ARHGAP25: variants seen among roughly 807,000 people sequenced by gnomAD.
ARHGAP25 encodes the protein rho GTPase-activating protein 25.
In ARHGAP25, 34 loss-of-function variants were observed where a neutral mutation model predicts 71.0. The observed-to-expected ratio is 0.48, with a 90% confidence interval of 0.36 to 0.64. The LOEUF is 0.64. Ranked by LOEUF, ARHGAP25 falls within the 30% of genes least tolerant of loss-of-function variation. The pLI is 0.00. For missense variants in ARHGAP25, 706 were observed against 805.1 expected (o/e 0.88, Z 1.49); for synonymous variants, 282 against 296.5 (o/e 0.95, Z 0.50).
chr2:68,781,034 AG>A lies in ARHGAP25; in HGVS notation c.262-1198del, dbSNP rs1327505303. Among the ~76,000 whole-genome samples, 4 of 152,296 alleles carry A rather than the reference AG, an allele frequency of 2.6e-5. No homozygotes were observed. In the East Asian group the frequency reaches 7.7e-4, roughly 29 times the overall value. ...AAAGTGTCAGTTTCCTCATCTGCAA[AG>A]TGGCAGTGATAAATCTTGCTATGCT... On this transcript the variant is annotated intron_variant, in intron 2 of 10. Coordinates refer to ENST00000409202, the MANE Select transcript of ARHGAP25 (RefSeq NM_001007231.3).
intron 1 of ARHGAP25, among the ~76,000 whole-genome samples, chr2:68,773,806 A>G (rs896133112): frequency 2.6e-5 from 4 of 152,228 alleles, no homozygotes; most frequent in Admixed American, 1.3e-4. Context: ...TAGGAAGTAA[A>G]GTCACCTGTT....
rs1164092391 is a variant in ARHGAP25 at position 68,787,822 on chromosome 2, T to C, written c.350-18T>C. On this transcript the variant is annotated intron_variant, in intron 3 of 10. Coordinates refer to ENST00000409202, the MANE Select transcript of ARHGAP25 (RefSeq NM_001007231.3). The stretch of plus-strand genomic sequence containing the variant: ...CTTATCACTCTAAGACCTTCACAAG[T>C]GCTAATTCTTCCTCCAGCCTCATGG... 3 of 1,601,924 alleles carry C rather than the reference T, an allele frequency of 1.9e-6. No homozygotes were observed. Among genetic ancestry groups the C allele is most frequent in the Non-Finnish European group, 1.7e-6 (2 of 1,168,838 alleles).
intron 1 of ARHGAP25, among the ~76,000 whole-genome samples, chr2:68,750,116 C>T (rs191687037): frequency 1.9e-3 from 285 of 152,218 alleles, no homozygotes; most frequent in Non-Finnish European, 2.5e-3. Flanking sequence ...AAACAATCCT[C>T]CCACCCCAGC....
intron 1 of ARHGAP25, among the ~76,000 whole-genome samples, chr2:68,749,406 C>G (rs1264823267): frequency 2.0e-5 from 3 of 152,224 alleles, no homozygotes; most frequent in African/African-American, 7.2e-5. Flanking sequence ...ACTGCACCGT[C>G]AGTCCTGTCC....
At chr2:68,741,984 C>T (rs1031519771) in intron 1 of ARHGAP25, among the ~76,000 whole-genome samples, 3 of 152,174 alleles carry the variant, frequency 2.0e-5, no homozygotes, top group Admixed American at 6.5e-5. Flanking sequence ...CCCTGCTGTG[C>T]CTCTCATGCT....
At chr2:68,781,330 C>T (rs1449779927) in intron 2 of ARHGAP25, among the ~76,000 whole-genome samples, 3 of 152,178 alleles carry the variant, frequency 2.0e-5, no homozygotes, top group African/African-American at 7.2e-5. Flanking sequence ...GCAGAGGTTG[C>T]AATGAGCTGA....
chr2:68,799,164 G>C (rs1351011932), intron 4 of ARHGAP25, among the ~76,000 whole-genome samples: 1 of 152,138 alleles, frequency 6.6e-6, no homozygotes, highest in Non-Finnish European at 1.5e-5. Flanking sequence ...CCAGGGGGTG[G>C]GAGTGAATTT....
chr2:68,715,369 C>CTCAAACTTAAAGT (rs555175905), intron 2 of ARHGAP25, among the ~76,000 whole-genome samples: 4,902 of 152,248 alleles, frequency 0.032, 115 homozygotes, highest in East Asian at 0.11. Context: ...AAGCCCCGTT[C>CTCAAACTTAAAGT]TAAGACAGCC....
At chr2:68,820,245 C>T (rs1383549608) in intron 9 of ARHGAP25, among the ~76,000 whole-genome samples, 1 of 152,184 alleles carries the variant, frequency 6.6e-6, no homozygotes, top group African/African-American at 2.4e-5. Flanking sequence ...TAGGTTTCTG[C>T]CATTTACTGA....
At chr2:68,773,439 G>A (rs1001843174) in intron 1 of ARHGAP25, among the ~76,000 whole-genome samples, 3 of 152,160 alleles carry the variant, frequency 2.0e-5, no homozygotes, top group Non-Finnish European at 4.4e-5. Flanking sequence ...TTATAAGTGG[G>A]AGCTAAACAA....
intron 3 of ARHGAP25, among the ~76,000 whole-genome samples, chr2:68,787,388 G>A (rs2292903): frequency 0.46 from 69,878 of 151,998 alleles, 16,431 homozygotes; most frequent in African/African-American, 0.53. Context: ...TCTATTCACT[G>A]TCACTCCCAC....
intron 9 of ARHGAP25, among the ~76,000 whole-genome samples, chr2:68,820,670 G>T (rs1263803986): frequency 2.6e-5 from 4 of 152,018 alleles, no homozygotes; most frequent in East Asian, 3.9e-4. Flanking sequence ...TATGCACATG[G>T]TTCAAGTAAT....
chr2:68,799,431 T>C (rs1679802538), intron 4 of ARHGAP25, among the ~76,000 whole-genome samples: 1 of 152,172 alleles, frequency 6.6e-6, no homozygotes, highest in South Asian at 2.1e-4. Flanking sequence ...TCAAGATCAT[T>C]ATCTCTGAAG....
At position 68,775,195 on chromosome 2, in the gene ARHGAP25, G is replaced by T. The variant is rs751333670; in HGVS notation, c.62-26G>T. 6 of 1,614,130 alleles carry T rather than the reference G, an allele frequency of 3.7e-6. No homozygotes were observed. In the African/African-American group the frequency reaches 8.0e-5, roughly 22 times the overall value. ...CTCACTGCCCCATGTCCCTCGGTCAGTCGGCCTGTCTGTTCCTCTCTATAG... is the reference window on the plus strand; with the variant it reads ...CTCACTGCCCCATGTCCCTCGGTCATTCGGCCTGTCTGTTCCTCTCTATAG... On this transcript the variant is annotated intron_variant, in intron 1 of 10. Transcript: ENST00000409202.
At position 68,714,045 on chromosome 2, in the gene ARHGAP25, G is replaced by A. The variant is rs1674551967; in HGVS notation, c.-18+3347G>A. On this transcript the variant is annotated intron_variant and NMD_transcript_variant, in intron 2 of 7. Coordinates refer to the ARHGAP25 transcript ENST00000463483. Reference sequence around the variant, plus strand: ...CCCTCTTTTTGTATTGTTTGAAATAGTTTCAGAAGGAATGGTACCAGCTCC... The same window carrying A: ...CCCTCTTTTTGTATTGTTTGAAATAATTTCAGAAGGAATGGTACCAGCTCC... Among the ~76,000 whole-genome samples the A allele has an allele frequency of 2.0e-5, 3 of 152,278 alleles. 1 individual carries two copies. Among genetic ancestry groups the A allele is most frequent in the East Asian group, 3.9e-4 (2 of 5,176 alleles).
At chr2:68,771,723 C>T (rs1295317152) in intron 1 of ARHGAP25, among the ~76,000 whole-genome samples, 1 of 152,212 alleles carries the variant, frequency 6.6e-6, no homozygotes, top group Non-Finnish European at 1.5e-5. Context: ...GGCCTAATTC[C>T]AGCAGTGTGG....
At chr2:68,820,200 A>T (rs1177016906) in intron 9 of ARHGAP25, among the ~76,000 whole-genome samples, 3 of 152,248 alleles carry the variant, frequency 2.0e-5, no homozygotes, top group Non-Finnish European at 2.9e-5. Flanking sequence ...ATCATCCCAC[A>T]GTCCTTGAGA....
intron 10 of ARHGAP25, among the ~76,000 whole-genome samples, chr2:68,823,937 T>C (rs1681897393): frequency 6.6e-6 from 1 of 152,216 alleles, no homozygotes. Context: ...AAAGCCTTGA[T>C]CCAGCTGTTC....
chr2:68,753,096 C>G (rs1453112755), intron 1 of ARHGAP25, among the ~76,000 whole-genome samples: 1 of 152,076 alleles, frequency 6.6e-6, no homozygotes, highest in Non-Finnish European at 1.5e-5. Context: ...GTGATAAAAC[C>G]ACCCCCCAGT....
Sources: gnomAD v4.1 joint callset for allele counts (sites outside exome capture counted in the v4.1 genomes callset) on GRCh38, gnomAD v4.1.1 for gene constraint, MANE v1.5 for transcripts, NCBI Gene and HGNC (gene_info 2026-07-23, HGNC 2026-07-21) for gene names.